The following DCLK1 variants were observed in gnomAD, a reference collection of about 807,000 sequenced individuals.
DCLK1 encodes the protein doublecortin like kinase 1, also known as serine/threonine-protein kinase DCLK1.
In DCLK1, 16 loss-of-function variants were observed where a neutral mutation model predicts 86.2. The observed-to-expected ratio is 0.19, with a 90% CI of 0.13 to 0.28. The LOEUF is 0.28. Among genes scored for constraint, DCLK1 ranks in the 10% least tolerant of loss-of-function variants. The pLI, the probability that DCLK1 is intolerant of heterozygous loss-of-function variation, is 1.00. For synonymous variants in DCLK1, 369 were observed against 370.5 expected, an observed-to-expected ratio of 1.00 and a Z score of 0.05; for missense variants, 590 against 940.2, an observed-to-expected ratio of 0.63 and a Z score of 4.87.
At chr13:36,052,786 G>A (rs963461309) in intron 3 of DCLK1, among the ~76,000 whole-genome samples, 3 of 152,148 alleles carry the variant, frequency 2.0e-5, no homozygotes, top group African/African-American at 7.2e-5. Flanking sequence ...ATGGGTAAAT[G>A]AGTGCATATG....
At chr13:35,886,076 A>G (rs1032734574) in intron 4 of DCLK1, among the ~76,000 whole-genome samples, 15 of 149,490 alleles carry the variant, frequency 1.0e-4, no homozygotes, top group African/African-American at 3.5e-4. Flanking sequence ...CAGTGGTGCA[A>G]TCTCGGCTCA....
chr13:35,957,554 A>AT (rs1341306860), intron 3 of DCLK1, among the ~76,000 whole-genome samples: 24 of 152,188 alleles, frequency 1.6e-4, no homozygotes, highest in Admixed American at 6.5e-5. Flanking sequence ...CAAGAAAATT[A>AT]TAAGTATCAA....
intron 11 of DCLK1, among the ~76,000 whole-genome samples, chr13:35,818,185 T>C (rs941643227): frequency 6.6e-6 from 1 of 152,184 alleles, no homozygotes; most frequent in African/African-American, 2.4e-5. Flanking sequence ...CCATGACCTC[T>C]AGACCCATTC....
chr13:36,130,281 C>A (rs1023804211), intron 1 of DCLK1, among the ~76,000 whole-genome samples: 2 of 152,288 alleles, frequency 1.3e-5, no homozygotes, highest in Admixed American at 6.5e-5. Flanking sequence ...AATGTATTCA[C>A]GGAACAGCCT....
chr13:35,795,857 G>A (rs557196442), intron 15 of DCLK1, among the ~76,000 whole-genome samples: 14 of 148,160 alleles, frequency 9.4e-5, no homozygotes, highest in African/African-American at 2.5e-4. Flanking sequence ...GCCCGGAGGC[G>A]GAATTTGCAG....
At chr13:35,784,111 T>G (rs549470897) in intron 16 of DCLK1, among the ~76,000 whole-genome samples, 1 of 152,324 alleles carries the variant, frequency 6.6e-6, no homozygotes, top group South Asian at 2.1e-4. Flanking sequence ...AATGAATATG[T>G]AGAAAAGAGC....
intron 11 of DCLK1, among the ~76,000 whole-genome samples, chr13:35,819,979 C>A (rs892187976): frequency 6.6e-6 from 1 of 152,102 alleles, no homozygotes. Context: ...GTCATAAGAC[C>A]AGGCAGTGGA....
chr13:35,961,879 T>G (rs1878480211), intron 3 of DCLK1, among the ~76,000 whole-genome samples: 1 of 152,226 alleles, frequency 6.6e-6, no homozygotes, highest in Admixed American at 6.5e-5. Context: ...TAATATTAAG[T>G]GTAATCAGAC....
chr13:36,014,625 G>A (rs920586915), intron 3 of DCLK1, among the ~76,000 whole-genome samples: 2 of 152,026 alleles, frequency 1.3e-5, no homozygotes, highest in South Asian at 2.1e-4. Context: ...GAGTTGCTGG[G>A]AAAAATAACA....
At chr13:36,129,985 C>T (rs1886308027) in intron 1 of DCLK1, among the ~76,000 whole-genome samples, 1 of 152,090 alleles carries the variant, frequency 6.6e-6, no homozygotes, top group Non-Finnish European at 1.5e-5. Context: ...ATAAATGCTA[C>T]CACATCTAAA....
intron 3 of DCLK1, among the ~76,000 whole-genome samples, chr13:36,090,273 A>C (rs1031742123): frequency 6.6e-6 from 1 of 152,242 alleles, no homozygotes; most frequent in East Asian, 1.9e-4. Flanking sequence ...TAAGGCCTAC[A>C]GTCCGATAAG....
intron 3 of DCLK1, among the ~76,000 whole-genome samples, chr13:35,992,048 T>C (rs1348237077): frequency 6.6e-6 from 1 of 152,202 alleles, no homozygotes; most frequent in Non-Finnish European, 1.5e-5. Context: ...TTTGGTTTAA[T>C]TGCCTCTCTG....
intron 14 of DCLK1, among the ~76,000 whole-genome samples, chr13:35,807,590 T>C (rs1045511130): frequency 2.0e-4 from 31 of 152,232 alleles, no homozygotes; most frequent in African/African-American, 7.5e-4. Flanking sequence ...GCAGGGATAG[T>C]ACAGCAATGG....
intron 15 of DCLK1, among the ~76,000 whole-genome samples, chr13:35,803,248 T>C (rs746719474): frequency 3.9e-5 from 6 of 152,116 alleles, no homozygotes; most frequent in Non-Finnish European, 7.4e-5. Context: ...GCTTATCTTG[T>C]AGGCTTGTTA....
chr13:36,084,363 C>T (rs902010278), intron 3 of DCLK1, among the ~76,000 whole-genome samples: 2 of 152,134 alleles, frequency 1.3e-5, no homozygotes, highest in Admixed American at 6.6e-5. Context: ...AAATGACTGA[C>T]GTACAATCAC....
At chr13:35,957,551 A>T (rs1399110600) in intron 3 of DCLK1, among the ~76,000 whole-genome samples, 1 of 152,168 alleles carries the variant, frequency 6.6e-6, no homozygotes, top group East Asian at 1.9e-4. Context: ...TTGCAAGAAA[A>T]TTATAAGTAT....
intron 3 of DCLK1, among the ~76,000 whole-genome samples, chr13:36,053,912 C>A (rs1051952489): frequency 6.6e-6 from 1 of 152,038 alleles, no homozygotes; most frequent in African/African-American, 2.4e-5. Context: ...AGCTACCTGA[C>A]ACAAAGGGAA....
chr13:35,914,952 C>A (rs964873394), intron 4 of DCLK1, among the ~76,000 whole-genome samples: 1 of 152,044 alleles, frequency 6.6e-6, no homozygotes, highest in South Asian at 2.1e-4. Context: ...CTGGAGAGAG[C>A]CAATGATTTT....
At chr13:36,057,775 T>A (rs1883392269) in intron 3 of DCLK1, among the ~76,000 whole-genome samples, 1 of 152,112 alleles carries the variant, frequency 6.6e-6, no homozygotes, top group South Asian at 2.1e-4. Flanking sequence ...AGAGAGGGAT[T>A]TCAAAGCTCT....
Sources: allele counts gnomAD v4.1 joint callset (sites outside exome capture counted in the v4.1 genomes callset), GRCh38; gene constraint gnomAD v4.1.1; transcripts MANE v1.5; gene names NCBI Gene and HGNC (gene_info 2026-07-23, HGNC 2026-07-21).